The following FANCB variants were observed in gnomAD, a reference collection of about 807,000 sequenced individuals.
The protein encoded by FANCB is FA complementation group B.
In FANCB, 5 loss-of-function variants were observed where a neutral mutation model predicts 38.9. That is an observed-to-expected ratio of 0.13 (90% CI 0.07 to 0.27). FANCB has a LOEUF of 0.27. Ranked by LOEUF, FANCB falls within the 10% of genes least tolerant of loss-of-function variation. The pLI is 1.00. For synonymous variants in FANCB, 236 were observed against 215.4 expected, an observed-to-expected ratio of 1.10 and a Z score of -0.84; for missense variants, 573 against 602.7, an observed-to-expected ratio of 0.95 and a Z score of 0.52.
At chrX:14,844,204 T>A (rs1273090506) in intron 9 of FANCB, among the ~76,000 whole-genome samples, 7 of 111,463 alleles carry the variant, frequency 6.3e-5, no homozygotes, top group African/African-American at 2.0e-4. Context: ...CAATTAAAAT[T>A]TTTTTTGCTG....
chrX:14,754,354 T>C, the FANCB span, among the ~76,000 whole-genome samples: 6 of 112,515 alleles, frequency 5.3e-5, no homozygotes, highest in Admixed American at 5.6e-4. Context: ...ATAGAAATCC[T>C]GGACAGACCA....
the FANCB span, among the ~76,000 whole-genome samples, chrX:14,735,400 C>T: frequency 9.0e-5 from 10 of 111,599 alleles, no homozygotes; most frequent in African/African-American, 3.3e-4. Flanking sequence ...TGTTGGTGTC[C>T]TTCGGATGGG....
chrX:14,814,895 T>G, the FANCB span, among the ~76,000 whole-genome samples: 1 of 111,952 alleles, frequency 8.9e-6, no homozygotes, highest in East Asian at 2.8e-4. Flanking sequence ...GCACTATTCA[T>G]AATAGCAAAG....
chrX:14,822,035 A>G, the FANCB span, among the ~76,000 whole-genome samples: 2 of 111,616 alleles, frequency 1.8e-5, no homozygotes, highest in East Asian at 5.7e-4. Context: ...AGCTGCACAT[A>G]TTCACAGGTT....
At chrX:14,779,635 C>T in the FANCB span, among the ~76,000 whole-genome samples, 1 of 111,350 alleles carries the variant, frequency 9.0e-6, no homozygotes. Context: ...CCCTCCAGAA[C>T]TGTGAAAAAT....
the FANCB span, among the ~76,000 whole-genome samples, chrX:14,772,028 C>CCTGTA: frequency 8.2e-5 from 9 of 110,223 alleles, no homozygotes; most frequent in Admixed American, 8.6e-4. Flanking sequence ...CCCCCACATA[C>CCTGTA]CTGTAGGAGG....
chrX:14,815,009 T>C, the FANCB span, among the ~76,000 whole-genome samples: 41 of 111,909 alleles, frequency 3.7e-4, no homozygotes, highest in African/African-American at 9.4e-4. Flanking sequence ...GATGAGTTCA[T>C]GTCCTTTGTA....
chrX:14,774,901 C>T, the FANCB span, among the ~76,000 whole-genome samples: 8 of 111,121 alleles, frequency 7.2e-5, no homozygotes, highest in Non-Finnish European at 1.3e-4. Flanking sequence ...GGCACAATCT[C>T]GGCTCACTGC....
At chrX:14,801,478 T>C in the FANCB span, among the ~76,000 whole-genome samples, 1 of 112,054 alleles carries the variant, frequency 8.9e-6, no homozygotes, top group Non-Finnish European at 1.9e-5. Flanking sequence ...TCATTACCCA[T>C]TGGTGAGTTG....
the FANCB span, among the ~76,000 whole-genome samples, chrX:14,770,077 A>T: frequency 8.9e-6 from 1 of 112,386 alleles, no homozygotes; most frequent in East Asian, 2.8e-4. Flanking sequence ...TCAATTTTAG[A>T]GTAAGTGCCA....
downstream of FANCB, among the ~76,000 whole-genome samples, chrX:14,842,878 A>G (rs2092359236): frequency 9.0e-6 from 1 of 111,610 alleles, no homozygotes; most frequent in African/African-American, 3.3e-5. Flanking sequence ...AGACTTACAT[A>G]ATTTCAGGGC....
chrX:14,700,441 G>A, the FANCB span, among the ~76,000 whole-genome samples: 10 of 111,397 alleles, frequency 9.0e-5, no homozygotes, highest in Middle Eastern at 0.018. Context: ...CAGGCAGGGG[G>A]AAAGGAGCCC....
At chrX:14,870,055 T>C (rs2092487972) in intron 1 of FANCB, among the ~76,000 whole-genome samples, 1 of 112,279 alleles carries the variant, frequency 8.9e-6, no homozygotes, top group Non-Finnish European at 1.9e-5. Flanking sequence ...TATATCTAAG[T>C]AATACTCAAT....
the FANCB span, among the ~76,000 whole-genome samples, chrX:14,759,802 G>GAA: frequency 4.2e-5 from 4 of 96,246 alleles, no homozygotes; most frequent in African/African-American, 1.5e-4. Flanking sequence ...AAACACAATG[G>GAA]AAAAAAAAAA....
chrX:14,837,295 G>A (rs888679311), intron 10 of FANCB, among the ~76,000 whole-genome samples: 4 of 112,341 alleles, frequency 3.6e-5, no homozygotes, highest in Non-Finnish European at 5.6e-5. Context: ...GCGATCACCA[G>A]CCACTGACAA....
chrX:14,807,134 T>C, the FANCB span, among the ~76,000 whole-genome samples: 1 of 112,258 alleles, frequency 8.9e-6, no homozygotes. Context: ...AGAATTTATA[T>C]AATAGGCAGG....
chrX:14,691,335 G>A, the FANCB span, among the ~76,000 whole-genome samples: 5 of 102,866 alleles, frequency 4.9e-5, no homozygotes, highest in African/African-American at 1.8e-4. Context: ...GCGCGCGTGC[G>A]TGCGTGTACA....
At chrX:14,842,133 A>T (rs933991596), downstream of FANCB, among the ~76,000 whole-genome samples, 1 of 112,005 alleles carries the variant, frequency 8.9e-6, no homozygotes, top group Non-Finnish European at 1.9e-5. Flanking sequence ...TTCTACGATT[A>T]ATCCTGAATT....
At chrX:14,833,674 TGG>T (rs56758477), downstream of FANCB, among the ~76,000 whole-genome samples, 7,453 of 103,656 alleles carry the variant, frequency 0.072, 580 homozygotes, top group African/African-American at 0.23. Context: ...AGGCTGGGTG[TGG>T]GGGGGGTTCA....
Sources: gnomAD v4.1 joint callset for allele counts (sites outside exome capture counted in the v4.1 genomes callset) on GRCh38, gnomAD v4.1.1 for gene constraint, MANE v1.5 for transcripts, NCBI Gene and HGNC (gene_info 2026-07-23, HGNC 2026-07-21) for gene names.